The following ABCB7 variants were observed in gnomAD, a reference collection of about 807,000 sequenced individuals.
ABCB7 encodes ATP binding cassette subfamily B member 7.
ABCB7 carries 7 observed loss-of-function variants against 54.4 expected under a neutral mutation model. The observed-to-expected ratio is 0.13, with a 90% confidence interval of 0.07 to 0.24. The LOEUF (loss-of-function observed/expected upper bound fraction) is 0.24, where lower values mean the gene tolerates loss of function less well. Ranked by LOEUF, ABCB7 falls within the 10% of genes least tolerant of loss-of-function variation. The pLI is 1.00. For missense variants in ABCB7, 356 were observed against 570.4 expected (o/e 0.62, Z 3.83); for synonymous variants, 218 against 207.1 (o/e 1.05, Z -0.45).
At position 75,071,607 on chromosome X, in the gene ABCB7, C is replaced by T; in HGVS notation, c.1109G>A (p.Ser370Asn). The T allele has an allele frequency of 8.3e-7, 1 of 1,208,958 alleles. No individual in the cohort carries two copies. The highest frequency in any genetic ancestry group is 1.1e-6 in the Non-Finnish European group (1 of 893,233). Residue 370 changes from serine (S) to asparagine (N), a missense_variant, in exon 9 of 16, where the codon AGT (serine) becomes AAT (asparagine). Transcript: ENST00000373394. ...GTTCAGCATAGCCAGAGTAGAGGTA[C>T]TTTTCAATGAAGCAGTCTCATACGT... ...LKTYETASLK[S>N]TSTLAMLNFG...
chrX:75,058,172 T>A (rs2081256333), intron 15 of ABCB7, among the ~76,000 whole-genome samples: 2 of 111,393 alleles, frequency 1.8e-5, no homozygotes, highest in South Asian at 7.7e-4. Context: ...TGCCTTTAAT[T>A]CCTGAGCCTT....
At position 75,071,766 on chromosome X, in the gene ABCB7, T is replaced by C. The variant is rs182454573; in HGVS notation, c.1033-83A>G. The C allele has an allele frequency of 1.8e-4, 121 of 684,368 alleles. No individual in the cohort carries two copies. The African/African-American group carries it at 2.3e-3, about 13-fold the overall frequency. The allele number at this position is 684,368 out of a possible 1,213,427, so 56.4% of individuals were successfully genotyped here. On this transcript the variant is annotated intron_variant, in intron 8 of 15. Transcript: ENST00000373394. ...TGATTAGTATACTTTTCATCAGACTTCATGTATGAATACAATTTTGTACTG... is the reference window on the plus strand; with the variant it reads ...TGATTAGTATACTTTTCATCAGACTCCATGTATGAATACAATTTTGTACTG...
intron 15 of ABCB7, among the ~76,000 whole-genome samples, chrX:75,056,569 C>G (rs750066980): frequency 9.0e-6 from 1 of 111,659 alleles, no homozygotes; most frequent in South Asian, 3.8e-4. Flanking sequence ...AGTCTTGGCT[C>G]CTTTTAGTGA....
chrX:75,098,860 G>T, intron 4 of ABCB7, 82 bp downstream of exon 4: 2 of 1,176,678 alleles, frequency 1.7e-6, no homozygotes, highest in South Asian at 3.6e-5. Context: ...CCCCAAAAGT[G>T]ATTTACACCA....
Position 75,104,047 on chromosome X carries a change from G to GT in ABCB7, c.334-4987dup, listed in dbSNP as rs757074347. ...AAATGGGCATCCCTGTCTTGTTACAGTTTTTTTTTTTTTTTTTTTTTTTTT... is the reference window on the plus strand; with the variant it reads ...AAATGGGCATCCCTGTCTTGTTACAGTTTTTTTTTTTTTTTTTTTTTTTTTT... On this transcript the variant is annotated intron_variant, in intron 3 of 15. Transcript: ENST00000373394. Among the ~76,000 whole-genome samples the GT allele has an allele frequency of 4.3e-3, 58 of 13,444 alleles. 14 individuals are homozygous for GT. The highest frequency in any genetic ancestry group is 6.8e-3 in the African/African-American group (43 of 6,279). 11.7% of individuals were successfully genotyped at this position (13,444 alleles called of 115,157 possible). A position where few individuals can be genotyped will look rare whatever the true frequency, so the allele number is the denominator to read the frequency against.
At chrX:75,147,715 T>C (rs1456777117) in intron 1 of ABCB7, among the ~76,000 whole-genome samples, 1 of 111,927 alleles carries the variant, frequency 8.9e-6, no homozygotes, top group Non-Finnish European at 1.9e-5. Flanking sequence ...AAATAACTAA[T>C]GGCTACTAGG....
Position 75,069,042 on chromosome X carries a change from C to T in ABCB7, c.1624G>A (p.Glu542Lys). ...ACTCCCACTGCCCTCCGAAGGCTTTCCAGGCTCACATCTTGTATATTTTGA... is the reference window on the plus strand; with the variant it reads ...ACTCCCACTGCCCTCCGAAGGCTTTTCAGGCTCACATCTTGTATATTTTGA... Reference protein sequence around the residue: ...AGQNIQDVSLESLRRAVGVVP... With the variant: ...AGQNIQDVSLKSLRRAVGVVP... The change falls in exon 12 of 16, where the codon GAA (glutamate) becomes AAA (lysine). Residue 542 changes from glutamate (E) to lysine (K), a missense_variant. Glu to Lys is a moderately conservative substitution (Grantham distance 56). Transcript: ENST00000373394. The T allele has an allele frequency of 8.3e-7, 1 of 1,210,855 alleles. No homozygotes were observed. The highest frequency in any genetic ancestry group is 1.1e-6 in the Non-Finnish European group (1 of 894,768).
rs1435225290 is a variant in ABCB7 at position 75,051,572 on chromosome X, TTTA to T, written c.*1795_*1797del. On this transcript the variant is annotated 3_prime_UTR_variant, in exon 16 of 16. Coordinates refer to ENST00000373394, the MANE Select transcript of ABCB7 (RefSeq NM_001271696.3). ...TTTCTAAGTGAATGTATAGCAATAT[TTTA>T]TTAATTCTTTCTAGCAGGTAAAACT... is the stretch of plus-strand genomic sequence containing the variant. 2 of 112,349 alleles carry T rather than the reference TTTA, an allele frequency of 1.8e-5. No individual in the cohort carries two copies. The highest frequency in any genetic ancestry group is 6.5e-5 in the African/African-American group (2 of 30,939). The allele number at this position is 112,349 out of a possible 1,213,427, so 9.3% of individuals were successfully genotyped here.
Position 75,051,675 on chromosome X carries a change from T to C in ABCB7, c.*1695A>G, listed in dbSNP as rs2081197029. On this transcript the variant is annotated 3_prime_UTR_variant, in exon 16 of 16. Coordinates refer to ENST00000373394, the MANE Select transcript of ABCB7 (RefSeq NM_001271696.3). ...GTTATGTCAGGCTTAAAGAAACTAA[T>C]TAAATTACTGAAAAGTAAGGGAAGA... 1 of 112,494 alleles carries C rather than the reference T, an allele frequency of 8.9e-6. No homozygotes were observed. Among genetic ancestry groups the C allele is most frequent in the Non-Finnish European group, 1.9e-5 (1 of 53,259 alleles). The allele number at this position is 112,494 out of a possible 1,213,427, so 9.3% of individuals were successfully genotyped here. A position where few individuals can be genotyped will look rare whatever the true frequency, so the allele number is the denominator to read the frequency against.
intron 2 of ABCB7, among the ~76,000 whole-genome samples, chrX:75,114,018 A>T (rs752217507): frequency 8.9e-6 from 1 of 111,952 alleles, no homozygotes; most frequent in South Asian, 3.7e-4. Context: ...GGTCTTCAAC[A>T]AAACAAAAGA....
At chrX:75,071,745 T>C in intron 8 of ABCB7, 62 bp from the exon 9 acceptor site, 1 of 818,434 alleles carries the variant, frequency 1.2e-6, no homozygotes, top group East Asian at 3.5e-5. Flanking sequence ...CTTAAGTGAT[T>C]AGTATACTTT....
At chrX:75,085,829 G>A (rs1019261328) in intron 4 of ABCB7, among the ~76,000 whole-genome samples, 44 of 107,503 alleles carry the variant, frequency 4.1e-4, no homozygotes, top group African/African-American at 1.5e-3. Context: ...CTAAGTACAC[G>A]AGAAATAAAG....
intron 1 of ABCB7, among the ~76,000 whole-genome samples, chrX:75,155,386 T>C (rs1279419671): frequency 8.9e-6 from 1 of 112,658 alleles, no homozygotes; most frequent in African/African-American, 3.2e-5. Flanking sequence ...TAAGTACAAA[T>C]AATTTTTTAA....
chrX:75,055,339 T>C (rs185134011), intron 15 of ABCB7, among the ~76,000 whole-genome samples: 2 of 109,122 alleles, frequency 1.8e-5, no homozygotes, highest in East Asian at 5.7e-4. Flanking sequence ...CCCCTAAATA[T>C]TTCATTAGCA....
At chrX:75,100,395 C>G (rs2081629897) in intron 3 of ABCB7, among the ~76,000 whole-genome samples, 1 of 111,023 alleles carries the variant, frequency 9.0e-6, no homozygotes, top group African/African-American at 3.3e-5. Flanking sequence ...GATACCTCTC[C>G]AGTTATGTTT....
intron 1 of ABCB7, among the ~76,000 whole-genome samples, chrX:75,127,982 A>G (rs2081946556): frequency 8.9e-6 from 1 of 112,089 alleles, no homozygotes; most frequent in Non-Finnish European, 1.9e-5. Context: ...TTCCATGCTC[A>G]TGGATAGGAA....
intron 4 of ABCB7, among the ~76,000 whole-genome samples, chrX:75,092,522 T>A (rs1397541364): frequency 9.0e-6 from 1 of 111,481 alleles, no homozygotes; most frequent in Non-Finnish European, 1.9e-5. Flanking sequence ...GGTTTGGCAA[T>A]GACTTAGCAC....
rs1483094698 is a variant in ABCB7, at chrX:75,156,200, C to G, written c.73G>C (p.Ala25Pro). 39 of 1,203,618 alleles carry G rather than the reference C, an allele frequency of 3.2e-5. No individual in the cohort carries two copies. Among genetic ancestry groups the G allele is most frequent in the Non-Finnish European group, 4.4e-5 (39 of 892,061 alleles). Residue 25 changes from alanine to proline, a missense_variant, in exon 1 of 16, where the codon GCG becomes CCG. Physicochemically the swap from Ala to Pro is conservative, Grantham distance 27. Around this residue, in one of 2 missense-constraint regions of ABCB7, gnomAD observed 115 missense variants for 99.5 expected, o/e 1.16. Coordinates refer to ENST00000373394, the MANE Select transcript of ABCB7 (RefSeq NM_001271696.3). ...AAAFEKRRHS[A>P]ILIRPLVSVS... The stretch of plus-strand genomic sequence containing the variant: ...GAGACTAAAGGCCGGATCAGAATCG[C>G]GGAGTGCCGGCGCTTTTCGAAAGCA...
intron 1 of ABCB7, among the ~76,000 whole-genome samples, chrX:75,123,480 C>G (rs1379926730): frequency 1.8e-5 from 2 of 111,674 alleles, no homozygotes; most frequent in Non-Finnish European, 3.8e-5. Context: ...CTTTGTTCCT[C>G]TCTCTCAAGA....
Sources: allele counts gnomAD v4.1 joint callset (sites outside exome capture counted in the v4.1 genomes callset), GRCh38; gene constraint gnomAD v4.1.1; regional missense constraint gnomAD v4.1.1; transcripts MANE v1.5; gene names NCBI Gene and HGNC (gene_info 2026-07-23, HGNC 2026-07-21).